Variants in TMEM132D observed in about 807,000 individuals in gnomAD.
TMEM132D encodes mature OL transmembrane protein.
Under a neutral mutation model 62.3 loss-of-function variants are expected in TMEM132D, and 21 were observed. The ratio of observed to expected loss-of-function variants is 0.34; its 90% confidence interval spans 0.24 to 0.49. The LOEUF is 0.49. TMEM132D is among the 20% of genes least tolerant of loss of function. The probability of loss-of-function intolerance (pLI) is 0.99; values close to 1 mark genes in which losing one functional copy is unlikely to be tolerated. For missense variants in TMEM132D, 1,346 were observed against 1,402.8 expected, an observed-to-expected ratio of 0.96 and a Z score of 0.65; for synonymous variants, 621 against 575.6, an observed-to-expected ratio of 1.08 and a Z score of -1.13.
At chr12:129,630,237 T>C (rs1003535159) in intron 2 of TMEM132D, among the ~76,000 whole-genome samples, 1 of 152,196 alleles carries the variant, frequency 6.6e-6, no homozygotes, top group Non-Finnish European at 1.5e-5. Context: ...GTCACGTGTG[T>C]GTTTGAGAAA....
At chr12:129,615,039 T>A (rs1878877255) in intron 2 of TMEM132D, among the ~76,000 whole-genome samples, 1 of 151,966 alleles carries the variant, frequency 6.6e-6, no homozygotes, top group Non-Finnish European at 1.5e-5. Context: ...GACAATAAGC[T>A]CCCCTGACAT....
chr12:129,565,325 A>G (rs985759213), intron 2 of TMEM132D, among the ~76,000 whole-genome samples: 4 of 152,218 alleles, frequency 2.6e-5, no homozygotes, highest in African/African-American at 7.2e-5. Flanking sequence ...GGGACTTGAG[A>G]TAGAGGCAGG....
chr12:129,072,244 CAG>C lies in TMEM132D; in HGVS notation c.*1629_*1630del, dbSNP rs369716689. On this transcript the variant is annotated 3_prime_UTR_variant, in exon 9 of 9. Coordinates refer to ENST00000422113, the MANE Select transcript of TMEM132D (RefSeq NM_133448.3). ...GACTGGAAAACAGACAACTGAAGAG[CAG>C]AGAGAGAGAGAAAATGACCAGAGGG... is the stretch of plus-strand genomic sequence containing the variant. 8.6e-5 allele frequency: 13 copies of C among 151,952 alleles called. No homozygotes were observed. The Middle Eastern group carries it at 0.01, about 120-fold the overall frequency. 9.4% of individuals were successfully genotyped at this position (151,952 alleles called of 1,614,324 possible). A position where few individuals can be genotyped will look rare whatever the true frequency, so the allele number is the denominator to read the frequency against.
chr12:129,436,688 T>C (rs894314924), intron 3 of TMEM132D, among the ~76,000 whole-genome samples: 23 of 152,196 alleles, frequency 1.5e-4, no homozygotes, highest in African/African-American at 5.5e-4. Context: ...CAAAACATAT[T>C]AGGAGGGATG....
intron 4 of TMEM132D, among the ~76,000 whole-genome samples, chr12:129,314,957 G>T (rs2135638371): frequency 6.6e-6 from 1 of 152,198 alleles, no homozygotes; most frequent in East Asian, 1.9e-4. Context: ...GTTGCTGTTG[G>T]TGTATAGAAG....
intron 1 of TMEM132D, among the ~76,000 whole-genome samples, chr12:129,816,769 T>C (rs1214569420): frequency 5.9e-5 from 9 of 152,242 alleles, no homozygotes; most frequent in Admixed American, 5.9e-4. Flanking sequence ...ATAGCTTATG[T>C]TTCTTCACTG....
chr12:129,616,325 G>C (rs1878916894), intron 2 of TMEM132D, among the ~76,000 whole-genome samples: 1 of 152,176 alleles, frequency 6.6e-6, no homozygotes, highest in South Asian at 2.1e-4. Flanking sequence ...CATGGAACCA[G>C]AGGAGGAATA....
chr12:129,529,123 G>A (rs563563371), intron 3 of TMEM132D, among the ~76,000 whole-genome samples: 1 of 152,232 alleles, frequency 6.6e-6, no homozygotes, highest in East Asian at 1.9e-4. Context: ...CCCATAGTAT[G>A]AGGAAACATA....
intron 2 of TMEM132D, among the ~76,000 whole-genome samples, chr12:129,581,870 T>C (rs1877873488): frequency 6.6e-6 from 1 of 152,164 alleles, no homozygotes. Context: ...TCTTTATAAA[T>C]TACCCTGCCA....
rs560680235 is a variant in TMEM132D, at chr12:129,700,114, T to C, written c.664A>G (p.Thr222Ala). Residue 222 changes from threonine to alanine, a missense_variant, in exon 2 of 9, where the codon ACC becomes GCC. Transcript: ENST00000422113. ...RRKSVDQPEG[T>A]PVELYYTVHP... ...ACGGTGTAGTAGAGCTCCACGGGGG[T>C]CCCCTCCGGCTGGTCCACGGACTTC... 18 of 1,612,928 alleles carry C rather than the reference T, an allele frequency of 1.1e-5. No individual in the cohort carries two copies. Among genetic ancestry groups the C allele is most frequent in the African/African-American group, 1.1e-4 (8 of 74,862 alleles).
chr12:129,859,210 C>T (rs773287887), intron 1 of TMEM132D, among the ~76,000 whole-genome samples: 1 of 152,202 alleles, frequency 6.6e-6, no homozygotes, highest in African/African-American at 2.4e-5. Flanking sequence ...CTGCCTTGAT[C>T]CTGGAATCCA....
intron 1 of TMEM132D, among the ~76,000 whole-genome samples, chr12:129,712,951 G>A (rs1263698010): frequency 6.6e-6 from 1 of 152,136 alleles, no homozygotes; most frequent in East Asian, 1.9e-4. Context: ...GCCATCATGG[G>A]AGCCTGGATG....
chr12:129,570,638 G>A (rs1165619097), intron 2 of TMEM132D, among the ~76,000 whole-genome samples: 1 of 152,210 alleles, frequency 6.6e-6, no homozygotes, highest in Non-Finnish European at 1.5e-5. Context: ...GATAATTCCA[G>A]TGCAATTCTG....
intron 1 of TMEM132D, among the ~76,000 whole-genome samples, chr12:129,899,040 A>C (rs1825399803): frequency 6.6e-6 from 1 of 152,204 alleles, no homozygotes; most frequent in African/African-American, 2.4e-5. Flanking sequence ...TCCTCACAAC[A>C]CTTAGAAATA....
intron 3 of TMEM132D, among the ~76,000 whole-genome samples, chr12:129,422,509 C>T (rs1872356543): frequency 6.6e-6 from 1 of 152,166 alleles, no homozygotes; most frequent in African/African-American, 2.4e-5. Context: ...TAACAGTTCC[C>T]TCATCAGATT....
At chr12:129,780,271 A>G (rs961993173) in intron 1 of TMEM132D, among the ~76,000 whole-genome samples, 3 of 150,962 alleles carry the variant, frequency 2.0e-5, no homozygotes, top group African/African-American at 7.3e-5. Context: ...CCGAGCATGA[A>G]CAGGTGAGTA....
rs1433971866 is a variant in TMEM132D at position 129,867,039 on chromosome 12, G to A, written c.79+36222C>T. Among the ~76,000 whole-genome samples, 1 of 152,064 alleles carries A rather than the reference G, an allele frequency of 6.6e-6. No homozygotes were observed. The highest frequency in any genetic ancestry group is 2.4e-5 in the African/African-American group (1 of 41,388). On this transcript the variant is annotated intron_variant, in intron 1 of 8. Transcript: ENST00000422113. The surrounding 1 kb of genome is among the most constrained non-coding windows in gnomAD (Gnocchi z 4.5). The stretch of plus-strand genomic sequence containing the variant: ...GAGGCAGGCAGATGGCCTGAGCTCA[G>A]GAGTTGGAGACCAGACTGGGCAACA...
intron 5 of TMEM132D, among the ~76,000 whole-genome samples, chr12:129,131,504 G>A (rs1356542911): frequency 6.6e-6 from 1 of 152,186 alleles, no homozygotes; most frequent in African/African-American, 2.4e-5. Context: ...CTACATAGGA[G>A]GCTGAGGCAG....
intron 3 of TMEM132D, among the ~76,000 whole-genome samples, chr12:129,372,411 G>A (rs1392422081): frequency 6.6e-6 from 1 of 152,014 alleles, no homozygotes. Flanking sequence ...CCTCATCGTT[G>A]ATGTTACCAC....
Sources: gnomAD v4.1 joint callset for allele counts (sites outside exome capture counted in the v4.1 genomes callset) on GRCh38, gnomAD v4.1.1 for gene constraint, Gnocchi (gnomAD v3.1) non-coding constraint, MANE v1.5 for transcripts, NCBI Gene and HGNC (gene_info 2026-07-23, HGNC 2026-07-21) for gene names.